The following HRH2 variants were observed in gnomAD, a reference collection of about 807,000 sequenced individuals.
HRH2 encodes histamine receptor H2.
A neutral mutation model predicts 20.1 loss-of-function variants in HRH2; 4 were observed. The observed-to-expected ratio is 0.20, with a 90% CI of 0.10 to 0.45. HRH2 has a LOEUF of 0.45. Among genes scored for constraint, HRH2 ranks in the 20% least tolerant of loss-of-function variants. HRH2 has a pLI of 0.99. For synonymous variants in HRH2, 197 were observed against 200.7 expected, an observed-to-expected ratio of 0.98 and a Z score of 0.16; for missense variants, 250 against 461.6, an observed-to-expected ratio of 0.54 and a Z score of 4.20.
At chr5:175,667,628 T>C (rs1458747009) in intron 1 of HRH2, among the ~76,000 whole-genome samples, 5 of 152,174 alleles carry the variant, frequency 3.3e-5, no homozygotes, top group South Asian at 2.1e-4. Flanking sequence ...TTCATAGTTA[T>C]AATCATTGTC....
chr5:175,671,003 G>A (rs1322692189), intron 1 of HRH2, among the ~76,000 whole-genome samples: 1 of 152,242 alleles, frequency 6.6e-6, no homozygotes, highest in East Asian at 1.9e-4. Flanking sequence ...GGCGCACATG[G>A]GGTTAATAAC....
chr5:175,679,863 A>G (rs1755901543), intron 1 of HRH2, among the ~76,000 whole-genome samples: 1 of 152,204 alleles, frequency 6.6e-6, no homozygotes, highest in South Asian at 2.1e-4. Flanking sequence ...TTGAAGTCTG[A>G]TCAAAGAACG....
chr5:175,701,468 C>T lies in HRH2; in HGVS notation c.1077-6311C>T, dbSNP rs140441528. On this transcript the variant is annotated intron_variant, in intron 2 of 2. Coordinates refer to ENST00000636584, the MANE Select transcript of HRH2 (RefSeq NM_001367711.1). ...ATTTGTCTTTCTCCAACTTTCAACT[C>T]GGCTTCCCGCTCGGATTGCCGCTGT... Among the ~76,000 whole-genome samples, 279 of 152,290 alleles carry T rather than the reference C, an allele frequency of 1.8e-3. 3 individuals carry two copies. Among genetic ancestry groups the T allele is most frequent in the African/African-American group, 6.2e-3 (256 of 41,558 alleles).
intron 1 of HRH2, among the ~76,000 whole-genome samples, chr5:175,669,033 G>T (rs1755418124): frequency 6.6e-6 from 1 of 152,204 alleles, no homozygotes; most frequent in South Asian, 2.1e-4. Flanking sequence ...AGGCTGGAGT[G>T]CAGTGGCACA....
At chr5:175,706,976 A>G (rs1465675610) in intron 2 of HRH2, among the ~76,000 whole-genome samples, 1 of 152,174 alleles carries the variant, frequency 6.6e-6, no homozygotes. Flanking sequence ...ACTTCTCCCA[A>G]ACTTCTTCCC....
chr5:175,701,087 C>T (rs1176788566), intron 2 of HRH2, among the ~76,000 whole-genome samples: 1 of 152,138 alleles, frequency 6.6e-6, no homozygotes, highest in Non-Finnish European at 1.5e-5. Flanking sequence ...CACTGGCATT[C>T]ATCATCCATT....
rs1032976987 is a variant in HRH2, at chr5:175,686,409, G to A, written c.1076+2100G>A. Among the ~76,000 whole-genome samples the A allele has an allele frequency of 2.6e-5, 4 of 152,152 alleles. No individual in the cohort carries two copies. The highest frequency in any genetic ancestry group is 9.7e-5 in the African/African-American group (4 of 41,432). On this transcript the variant is annotated intron_variant, in intron 2 of 2. Coordinates refer to ENST00000636584, the MANE Select transcript of HRH2 (RefSeq NM_001367711.1). The surrounding 1 kb of genome is among the most constrained non-coding windows in gnomAD (Gnocchi z 4.7). ...AACATTCATTGAGCATCCACTACTG[G>A]CCCGTTTCAGATGTCTGACATTGTT...
At position 175,683,003 on chromosome 5, in the gene HRH2, C is replaced by T. The variant is rs1482048606; in HGVS notation, c.-231C>T. ...CTTTTCTCTCTTCTTCATTCATATT[C>T]ATTCCCAACACCTTAGAAGGTGTTG... is the stretch of plus-strand genomic sequence containing the variant. On this transcript the variant is annotated 5_prime_UTR_variant, in exon 2 of 3. Coordinates refer to ENST00000636584, the MANE Select transcript of HRH2 (RefSeq NM_001367711.1). The T allele has an allele frequency of 3.8e-6, 2 of 521,144 alleles. No homozygotes were observed. The highest frequency in any genetic ancestry group is 3.5e-5 in the Admixed American group (1 of 28,522). 32.3% of individuals were successfully genotyped at this position (521,144 alleles called of 1,614,324 possible).
chr5:175,674,220 AG>A (rs1028865591), intron 1 of HRH2, among the ~76,000 whole-genome samples: 47 of 152,144 alleles, frequency 3.1e-4, no homozygotes, highest in Non-Finnish European at 5.7e-4. Context: ...CTTCTGCGGC[AG>A]GGGGGGTCTG....
At chr5:175,672,395 C>T (rs1201333985) in intron 1 of HRH2, among the ~76,000 whole-genome samples, 1 of 152,172 alleles carries the variant, frequency 6.6e-6, no homozygotes, top group East Asian at 1.9e-4. Context: ...CCCCAGGCCT[C>T]TGCCACGCTC....
At chr5:175,671,916 C>T (rs956434048) in intron 1 of HRH2, among the ~76,000 whole-genome samples, 1 of 151,950 alleles carries the variant, frequency 6.6e-6, no homozygotes, top group Non-Finnish European at 1.5e-5. Context: ...AGCCCCGCAT[C>T]GATGGAGGTG....
chr5:175,705,444 A>G (rs1419213666), intron 2 of HRH2, among the ~76,000 whole-genome samples: 1 of 152,218 alleles, frequency 6.6e-6, no homozygotes, highest in East Asian at 1.9e-4. Flanking sequence ...CAACAGATAA[A>G]TGCATAAATA....
At chr5:175,682,289 G>A (rs984847432) in intron 1 of HRH2, among the ~76,000 whole-genome samples, 20 of 152,336 alleles carry the variant, frequency 1.3e-4, no homozygotes, top group African/African-American at 4.8e-4. Context: ...CTTCAGAGGA[G>A]TAGATTCATT....
Position 175,687,450 on chromosome 5 carries a change from C to T in HRH2, c.1076+3141C>T, listed in dbSNP as rs867824119. Among the ~76,000 whole-genome samples, 6 of 152,188 alleles carry T rather than the reference C, an allele frequency of 3.9e-5. No homozygotes were observed. Among genetic ancestry groups the T allele is most frequent in the African/African-American group, 9.7e-5 (4 of 41,440 alleles). ...GCCCTGGGTGGGGTGGGGGCACCGT[C>T]GGCCAAGGGGTGACTCCAGAAGATA... On this transcript the variant is annotated intron_variant, in intron 2 of 2. Transcript: ENST00000636584. This position sits in a 1 kb window ranked among gnomAD's most constrained non-coding sequence, Gnocchi z 5.2.
chr5:175,696,157 A>C (rs908494784), intron 2 of HRH2, among the ~76,000 whole-genome samples: 3 of 152,256 alleles, frequency 2.0e-5, no homozygotes, highest in Non-Finnish European at 4.4e-5. Flanking sequence ...CGTTGGCATG[A>C]GTGGGCAGGG....
At chr5:175,688,064 T>A (rs1282235799) in intron 2 of HRH2, among the ~76,000 whole-genome samples, 1 of 152,152 alleles carries the variant, frequency 6.6e-6, no homozygotes, top group African/African-American at 2.4e-5. Context: ...CCCTCTCACA[T>A]CACTCCAGCC....
intron 2 of HRH2, chr5:175,685,709 C>T (rs1756149024): frequency 1.7e-6 from 1 of 589,302 alleles, no homozygotes; most frequent in East Asian, 2.9e-5. Flanking sequence ...CACCGGGCTT[C>T]CTACTTGCCC....
chr5:175,690,144 A>G (rs1264241157), intron 2 of HRH2, among the ~76,000 whole-genome samples: 1 of 152,122 alleles, frequency 6.6e-6, no homozygotes, highest in African/African-American at 2.4e-5. Context: ...CCCGGCCTCT[A>G]TGAGTGCACT....
chr5:175,700,235 G>T (rs1257889716), intron 2 of HRH2, among the ~76,000 whole-genome samples: 6 of 152,234 alleles, frequency 3.9e-5, no homozygotes, highest in Non-Finnish European at 8.8e-5. Flanking sequence ...CAGGCTGGCG[G>T]TGAGAAGGTA....
Sources: allele counts gnomAD v4.1 joint callset (sites outside exome capture counted in the v4.1 genomes callset), GRCh38; gene constraint gnomAD v4.1.1; non-coding constraint Gnocchi (gnomAD v3.1); transcripts MANE v1.5; gene names NCBI Gene and HGNC (gene_info 2026-07-23, HGNC 2026-07-21).